BABAM2: variants seen among roughly 807,000 people sequenced by gnomAD.
The protein encoded by BABAM2 is BRISC and BRCA1 A complex member 2.
BABAM2 carries 31 observed loss-of-function variants against 54.7 expected under a neutral mutation model. That is an observed-to-expected ratio of 0.57 (90% CI 0.43 to 0.77). The LOEUF is 0.77. Among genes scored for constraint, BABAM2 ranks in the 30% least tolerant of loss-of-function variants. BABAM2 has a pLI of 0.00. For synonymous variants in BABAM2, 167 were observed against 162.9 expected, an observed-to-expected ratio of 1.03 and a Z score of -0.19; for missense variants, 364 against 455.8, an observed-to-expected ratio of 0.80 and a Z score of 1.83.
At chr2:28,324,364 T>A (rs2148317076) in intron 11 of BABAM2, among the ~76,000 whole-genome samples, 1 of 152,300 alleles carries the variant, frequency 6.6e-6, no homozygotes, top group South Asian at 2.1e-4. Flanking sequence ...CCCGACTCAG[T>A]GGACAGTACA....
In BABAM2 at chr2:27,955,733, A is replaced by G. The variant is rs545089329; in HGVS notation, c.205+25825A>G. Among the ~76,000 whole-genome samples the G allele has an allele frequency of 3.9e-5, 6 of 152,306 alleles. 1 individual carries two copies. The South Asian group carries it at 1.0e-3, about 26-fold the overall frequency. On this transcript the variant is annotated intron_variant, in intron 3 of 11. Transcript: ENST00000379624. ...ATTCCCTTAACATTGAGATTTTTCT[A>G]TTCCTAATATCAGCATTGGGTAAGA...
chr2:28,081,293 T>C lies in BABAM2; in HGVS notation c.570+35494T>C, dbSNP rs116795049. Among the ~76,000 whole-genome samples, 399 of 152,266 alleles carry C rather than the reference T, an allele frequency of 2.6e-3. 4 individuals carry two copies. Among genetic ancestry groups the C allele is most frequent in the African/African-American group, 9.3e-3 (386 of 41,558 alleles). On this transcript the variant is annotated intron_variant, in intron 6 of 11. Coordinates refer to ENST00000379624, the MANE Select transcript of BABAM2 (RefSeq NM_199191.3). Reference sequence around the variant, plus strand: ...AGCCCTTTAAGATATACAGGGCAAGTAGGAGCTGCTTCTTTTCTAGAAGAA... The same window carrying C: ...AGCCCTTTAAGATATACAGGGCAAGCAGGAGCTGCTTCTTTTCTAGAAGAA...
intron 10 of BABAM2, among the ~76,000 whole-genome samples, chr2:28,251,151 A>G (rs1477154294): frequency 6.6e-6 from 1 of 151,566 alleles, no homozygotes; most frequent in African/African-American, 2.4e-5. Flanking sequence ...GTCTTTAACT[A>G]TCTGTTTGTT....
At chr2:28,124,423 A>G (rs1669328306) in intron 6 of BABAM2, among the ~76,000 whole-genome samples, 1 of 152,236 alleles carries the variant, frequency 6.6e-6, no homozygotes, top group Admixed American at 6.5e-5. Context: ...TCTATAAAAG[A>G]GCAAGAAGTG....
chr2:28,155,381 A>G (rs943706111), intron 7 of BABAM2, among the ~76,000 whole-genome samples: 1 of 152,200 alleles, frequency 6.6e-6, no homozygotes, highest in African/African-American at 2.4e-5. Context: ...GAATTTGGAG[A>G]GAAAAGGATA....
chr2:28,313,068 C>T (rs748956326), intron 11 of BABAM2, among the ~76,000 whole-genome samples: 2 of 152,222 alleles, frequency 1.3e-5, no homozygotes, highest in Non-Finnish European at 2.9e-5. Context: ...GCCTGCACCA[C>T]GTACACATCC....
intron 4 of BABAM2, chr2:28,015,813 T>A (rs1256596401): frequency 1.0e-6 from 1 of 989,856 alleles, no homozygotes; most frequent in East Asian, 5.5e-5. Context: ...CTCATGCTTC[T>A]TTTTCTGTTT....
chr2:28,068,924 A>G (rs1300776380), intron 6 of BABAM2, among the ~76,000 whole-genome samples: 2 of 152,212 alleles, frequency 1.3e-5, no homozygotes, highest in Non-Finnish European at 2.9e-5. Flanking sequence ...GGGTGTTTTA[A>G]TGGAAAATAA....
chr2:28,190,870 G>A (rs1281974811), intron 7 of BABAM2, among the ~76,000 whole-genome samples: 4 of 152,104 alleles, frequency 2.6e-5, no homozygotes, highest in Non-Finnish European at 4.4e-5. Flanking sequence ...AGAGAACATA[G>A]GAAAATAATC....
intron 10 of BABAM2, among the ~76,000 whole-genome samples, chr2:28,286,584 G>A (rs1480544353): frequency 6.6e-6 from 1 of 152,104 alleles, no homozygotes; most frequent in African/African-American, 2.4e-5. Flanking sequence ...GGATTCTCTT[G>A]CTTCTCTCCC....
At chr2:28,199,202 C>G (rs1466503188) in intron 7 of BABAM2, among the ~76,000 whole-genome samples, 1 of 152,192 alleles carries the variant, frequency 6.6e-6, no homozygotes, top group Admixed American at 6.5e-5. Context: ...GGTGTAATCC[C>G]AGAAGCAAGG....
intron 7 of BABAM2, among the ~76,000 whole-genome samples, chr2:28,189,152 A>C (rs1416562003): frequency 3.9e-5 from 6 of 152,034 alleles, no homozygotes; most frequent in African/African-American, 1.4e-4. Context: ...AGTGAGTCAA[A>C]ATTGTCCCAC....
intron 4 of BABAM2, chr2:28,015,878 G>A (rs769841191): frequency 3.2e-6 from 2 of 620,350 alleles, no homozygotes; most frequent in Non-Finnish European, 5.5e-6. Flanking sequence ...TTTTTTGCTC[G>A]TACCTCCTCC....
At chr2:28,108,724 A>G (rs1340138236) in intron 6 of BABAM2, among the ~76,000 whole-genome samples, 1 of 152,074 alleles carries the variant, frequency 6.6e-6, no homozygotes, top group Non-Finnish European at 1.5e-5. Context: ...GACACTTTTG[A>G]TCTCTCTTCC....
chr2:28,046,513 C>T (rs887777459), intron 6 of BABAM2, among the ~76,000 whole-genome samples: 2 of 152,020 alleles, frequency 1.3e-5, no homozygotes, highest in Non-Finnish European at 2.9e-5. Flanking sequence ...TTTGGCTGGC[C>T]TCCCTCTGTG....
chr2:28,007,463 G>C (rs1674058545), intron 4 of BABAM2, among the ~76,000 whole-genome samples: 1 of 152,002 alleles, frequency 6.6e-6, no homozygotes, highest in Admixed American at 6.6e-5. Context: ...AATGCTTTTG[G>C]CTGGAGAAGA....
At chr2:28,075,194 C>G (rs1664543198) in intron 6 of BABAM2, among the ~76,000 whole-genome samples, 2 of 152,156 alleles carry the variant, frequency 1.3e-5, no homozygotes, top group African/African-American at 4.8e-5. Flanking sequence ...AACAAGCAAG[C>G]CTTTTTCCTT....
chr2:28,264,600 T>C (rs1464880081), intron 10 of BABAM2, among the ~76,000 whole-genome samples: 1 of 152,368 alleles, frequency 6.6e-6, no homozygotes, highest in East Asian at 1.9e-4. Context: ...CAGTTCATAC[T>C]GTTCCACCAC....
chr2:28,186,634 G>A (rs1358239850), intron 7 of BABAM2, among the ~76,000 whole-genome samples: 1 of 151,820 alleles, frequency 6.6e-6, no homozygotes, highest in African/African-American at 2.4e-5. Flanking sequence ...AGAGAGGGGA[G>A]AAAGAGAGAG....
Sources: gnomAD v4.1 joint callset for allele counts (sites outside exome capture counted in the v4.1 genomes callset) on GRCh38, gnomAD v4.1.1 for gene constraint, MANE v1.5 for transcripts, NCBI Gene and HGNC (gene_info 2026-07-23, HGNC 2026-07-21) for gene names.